Variants in SPIN1 observed in about 807,000 individuals in gnomAD.
SPIN1 encodes the protein spindlin-1.
In SPIN1, 3 loss-of-function variants were observed where a neutral mutation model predicts 26.0. That is an observed-to-expected ratio of 0.12 (90% CI 0.05 to 0.30). The LOEUF (loss-of-function observed/expected upper bound fraction) is 0.30, where lower values mean the gene tolerates loss of function less well. SPIN1 is among the 10% of genes least tolerant of loss of function. SPIN1 has a pLI of 1.00. For synonymous variants in SPIN1, 101 were observed against 116.5 expected (o/e 0.87, Z 0.86); for missense variants, 126 against 333.4 (o/e 0.38, Z 4.84).
chr9:88,390,239 G>A (rs1276573336), intron 1 of SPIN1, among the ~76,000 whole-genome samples: 3 of 152,154 alleles, frequency 2.0e-5, no homozygotes, highest in Non-Finnish European at 2.9e-5. Flanking sequence ...CAGCCATTGC[G>A]ATGCCATATG....
chr9:88,431,452 G>A (rs1016571663), intron 2 of SPIN1, among the ~76,000 whole-genome samples: 16 of 149,012 alleles, frequency 1.1e-4, no homozygotes, highest in Non-Finnish European at 1.8e-4. Context: ...CACCACGCCC[G>A]GCCAATTTTG....
chr9:88,438,472 T>C (rs1402688442), intron 2 of SPIN1, among the ~76,000 whole-genome samples: 1 of 152,188 alleles, frequency 6.6e-6, no homozygotes, highest in African/African-American at 2.4e-5. Flanking sequence ...CATAATGTCG[T>C]CTGTTTTGGT....
chr9:88,448,460 C>A (rs1163164434), intron 2 of SPIN1, among the ~76,000 whole-genome samples: 1 of 152,006 alleles, frequency 6.6e-6, no homozygotes, highest in Admixed American at 6.6e-5. Flanking sequence ...CAAGCACTCC[C>A]CCCACCTCAG....
chr9:88,424,193 T>A (rs919325919), intron 1 of SPIN1, among the ~76,000 whole-genome samples: 2 of 152,198 alleles, frequency 1.3e-5, no homozygotes, highest in East Asian at 3.9e-4. Context: ...TCTTTTATTA[T>A]GGAGACAAAG....
At chr9:88,452,204 C>T (rs1828368412) in intron 3 of SPIN1, among the ~76,000 whole-genome samples, 1 of 152,126 alleles carries the variant, frequency 6.6e-6, no homozygotes, top group African/African-American at 2.4e-5. Flanking sequence ...TTCATGATAG[C>T]CCTGTCAAGT....
chr9:88,389,018 A>C (rs1049004533), intron 1 of SPIN1, among the ~76,000 whole-genome samples: 2 of 63,860 alleles, frequency 3.1e-5, no homozygotes, highest in African/African-American at 5.9e-5. Context: ...GGGCGGGGGG[A>C]GGGGCGGGAC....
chr9:88,412,051 C>T (rs1049738166), intron 1 of SPIN1, among the ~76,000 whole-genome samples: 4 of 150,726 alleles, frequency 2.7e-5, no homozygotes, highest in South Asian at 2.1e-4. Flanking sequence ...TTGTGGTGGG[C>T]GCCTGTAGTC....
chr9:88,423,631 G>A (rs1461121494), intron 1 of SPIN1, among the ~76,000 whole-genome samples: 1 of 151,636 alleles, frequency 6.6e-6, no homozygotes, highest in African/African-American at 2.4e-5. Context: ...TAGAGACCGG[G>A]TCTCGAACTC....
chr9:88,432,738 T>C (rs1284726166), intron 2 of SPIN1, among the ~76,000 whole-genome samples: 1 of 152,072 alleles, frequency 6.6e-6, no homozygotes, highest in Non-Finnish European at 1.5e-5. Flanking sequence ...CTGCCTGCCT[T>C]GACCTTCCAA....
intron 3 of SPIN1, among the ~76,000 whole-genome samples, chr9:88,458,743 T>A (rs1161748415): frequency 6.6e-6 from 1 of 152,180 alleles, no homozygotes; most frequent in Non-Finnish European, 1.5e-5. Flanking sequence ...CAGTTGGGAC[T>A]GAACAAGTTC....
At chr9:88,449,284 T>TTC (rs1828312365) in intron 3 of SPIN1, among the ~76,000 whole-genome samples, 1 of 152,034 alleles carries the variant, frequency 6.6e-6, no homozygotes. Context: ...CCTCTCCCTC[T>TTC]TCTCTCCTTG....
At chr9:88,467,518 G>A (rs1487763790) in intron 4 of SPIN1, among the ~76,000 whole-genome samples, 1 of 152,176 alleles carries the variant, frequency 6.6e-6, no homozygotes, top group Non-Finnish European at 1.5e-5. Context: ...ATGGGGAAGA[G>A]CTTATCAGGC....
intron 3 of SPIN1, among the ~76,000 whole-genome samples, chr9:88,462,255 T>C (rs1191704584): frequency 6.6e-6 from 1 of 152,200 alleles, no homozygotes; most frequent in Non-Finnish European, 1.5e-5. Flanking sequence ...TTTCTGCCTA[T>C]ACACAGTTGA....
chr9:88,439,528 C>T (rs940531105), intron 2 of SPIN1, among the ~76,000 whole-genome samples: 7 of 152,294 alleles, frequency 4.6e-5, no homozygotes, highest in African/African-American at 9.6e-5. Context: ...TCATTTTATA[C>T]GCAGATATTC....
intron 1 of SPIN1, among the ~76,000 whole-genome samples, chr9:88,412,224 T>C (rs1827465820): frequency 6.6e-6 from 1 of 152,058 alleles, no homozygotes; most frequent in Non-Finnish European, 1.5e-5. Context: ...ATTCCAGTAG[T>C]CGTTGATAGA....
At chr9:88,403,604 G>A (rs890098623) in intron 1 of SPIN1, among the ~76,000 whole-genome samples, 5 of 152,108 alleles carry the variant, frequency 3.3e-5, no homozygotes, top group Non-Finnish European at 5.9e-5. Context: ...CCAGCTACTC[G>A]GGAGGGTAAT....
intron 3 of SPIN1, chr9:88,457,862 C>T: frequency 1.0e-6 from 1 of 984,682 alleles, no homozygotes; most frequent in South Asian, 4.7e-5. Flanking sequence ...ACCAAAAAAC[C>T]TTTCTTGTTT....
intron 1 of SPIN1, among the ~76,000 whole-genome samples, chr9:88,393,072 G>A (rs952574518): frequency 2.0e-5 from 3 of 151,222 alleles, no homozygotes; most frequent in Admixed American, 6.6e-5. Flanking sequence ...AGCTGGTGAA[G>A]TCATTTAAGG....
rs1246665289 is a variant in SPIN1, at chr9:88,477,935, A to C, written c.*2658A>C. ...CTTTTTTGCATGCTCTATTCTAAGT[A>C]GAATGTTCAATGTAACTGACTAAAA... On this transcript the variant is annotated 3_prime_UTR_variant, in exon 6 of 6. Transcript: ENST00000375859. 1 of 152,216 alleles carries C rather than the reference A, an allele frequency of 6.6e-6. No individual in the cohort carries two copies. Among genetic ancestry groups the C allele is most frequent in the Non-Finnish European group, 1.5e-5 (1 of 68,048 alleles). The allele number at this position is 152,216 out of a possible 1,614,324, so 9.4% of individuals were successfully genotyped here.
Sources: gnomAD v4.1 joint callset for allele counts (sites outside exome capture counted in the v4.1 genomes callset) on GRCh38, gnomAD v4.1.1 for gene constraint, MANE v1.5 for transcripts, NCBI Gene and HGNC (gene_info 2026-07-23, HGNC 2026-07-21) for gene names.